The following CACNA1D variants were observed in gnomAD, a reference collection of about 807,000 sequenced individuals.
CACNA1D encodes voltage-dependent L-type calcium channel subunit alpha-1D.
In CACNA1D, 55 loss-of-function variants were observed where a neutral mutation model predicts 257.1. That is an observed-to-expected ratio of 0.21 (90% CI 0.17 to 0.27). The LOEUF (loss-of-function observed/expected upper bound fraction) is 0.27. CACNA1D is among the 10% of genes least tolerant of loss of function. The pLI, the probability that CACNA1D is intolerant of heterozygous loss-of-function variation, is 1.00. For synonymous variants in CACNA1D, 980 were observed against 1,014.9 expected (o/e 0.97, Z 0.65); for missense variants, 1,876 against 2,784.0 (o/e 0.67, Z 7.34).
intron 8 of CACNA1D, among the ~76,000 whole-genome samples, chr3:53,681,628 C>T (rs1440566023): frequency 6.6e-6 from 1 of 152,086 alleles, no homozygotes; most frequent in Non-Finnish European, 1.5e-5. Flanking sequence ...GATGTAGGCA[C>T]CGTGTAGGCA....
intron 19 of CACNA1D, among the ~76,000 whole-genome samples, chr3:53,734,447 A>G (rs1281300819): frequency 1.3e-5 from 2 of 152,104 alleles, no homozygotes; most frequent in African/African-American, 4.8e-5. Flanking sequence ...TATGTTTTAT[A>G]TATATGTTTT....
intron 43 of CACNA1D, 126 bp from the exon 44 acceptor site, chr3:53,803,297 G>A: frequency 1.0e-6 from 1 of 977,112 alleles, no homozygotes; most frequent in Non-Finnish European, 1.6e-6. Flanking sequence ...TGCTGCCTGA[G>A]GCAGGTGCGC....
At chr3:53,509,228 T>C (rs548375403) in intron 3 of CACNA1D, among the ~76,000 whole-genome samples, 3 of 152,052 alleles carry the variant, frequency 2.0e-5, no homozygotes, top group Non-Finnish European at 4.4e-5. Flanking sequence ...TAGCTGAAGA[T>C]GGGATGAAGG....
intron 8 of CACNA1D, among the ~76,000 whole-genome samples, chr3:53,697,939 C>T (rs1394778310): frequency 2.0e-5 from 3 of 152,172 alleles, no homozygotes; most frequent in Non-Finnish European, 2.9e-5. Context: ...CCAAAGTCCC[C>T]TGGTTCCTTT....
intron 3 of CACNA1D, among the ~76,000 whole-genome samples, chr3:53,542,872 A>C (rs918074807): frequency 6.6e-6 from 1 of 152,030 alleles, no homozygotes; most frequent in African/African-American, 2.4e-5. Flanking sequence ...CCTGACCAAC[A>C]TGGAGAAACC....
chr3:53,517,853 T>C (rs1410268363), intron 3 of CACNA1D, among the ~76,000 whole-genome samples: 1 of 152,232 alleles, frequency 6.6e-6, no homozygotes, highest in Non-Finnish European at 1.5e-5. Flanking sequence ...TTTACTGTGC[T>C]TGTGACATGC....
At chr3:53,639,560 G>C (rs2093925912) in intron 3 of CACNA1D, among the ~76,000 whole-genome samples, 1 of 151,930 alleles carries the variant, frequency 6.6e-6, no homozygotes, top group Admixed American at 6.6e-5. Flanking sequence ...CTAATTTTTT[G>C]TATTTTTAGT....
chr3:53,765,878 T>G (rs1383988424), intron 30 of CACNA1D: 1 of 152,346 alleles, frequency 6.6e-6, no homozygotes, highest in Non-Finnish European at 1.5e-5. Flanking sequence ...CATGGACTTA[T>G]CTCCATCACA....
At chr3:53,677,489 A>T (rs919334455) in intron 8 of CACNA1D, among the ~76,000 whole-genome samples, 2 of 152,212 alleles carry the variant, frequency 1.3e-5, no homozygotes, top group Non-Finnish European at 2.9e-5. Context: ...AATTTAACAT[A>T]TCCTTATCTT....
At chr3:53,780,258 G>T in intron 38 of CACNA1D, 130 bp downstream of exon 38, 1 of 754,054 alleles carries the variant, frequency 1.3e-6, no homozygotes, top group East Asian at 2.6e-5. Context: ...CAAGTAGAAT[G>T]AAGATGTCCA....
intron 30 of CACNA1D, among the ~76,000 whole-genome samples, chr3:53,767,138 T>G (rs1350227567): frequency 6.6e-6 from 1 of 152,156 alleles, no homozygotes; most frequent in Admixed American, 6.5e-5. Context: ...CCACTCTGTA[T>G]GGCCGCTCGA....
At chr3:53,701,559 A>G (rs2094626252) in intron 8 of CACNA1D, among the ~76,000 whole-genome samples, 1 of 152,372 alleles carries the variant, frequency 6.6e-6, no homozygotes, top group South Asian at 2.1e-4. Flanking sequence ...AACAAAGGCA[A>G]GAAGGCAGAC....
intron 3 of CACNA1D, among the ~76,000 whole-genome samples, chr3:53,534,376 G>A (rs2092048907): frequency 6.6e-6 from 1 of 152,196 alleles, no homozygotes; most frequent in Non-Finnish European, 1.5e-5. Context: ...TACGTCCAGA[G>A]CATCATTAGG....
In CACNA1D at chr3:53,540,728, A is replaced by C. The variant is rs78087701; in HGVS notation, c.483+39008A>C. ...ATGCCAGTCGGCTTCATTCTTTGTC[A>C]TGGTGGCATGATATATGTATATATT... is the stretch of plus-strand genomic sequence containing the variant. On this transcript the variant is annotated intron_variant, in intron 3 of 47. Transcript: ENST00000350061. Among the ~76,000 whole-genome samples, 509 of 152,170 alleles carry C rather than the reference A, an allele frequency of 3.3e-3. 4 individuals carry two copies. Among genetic ancestry groups the C allele is most frequent in the African/African-American group, 0.012 (493 of 41,508 alleles).
chr3:53,813,416 T>C lies in CACNA1D; in HGVS notation c.*2010T>C, dbSNP rs561780984. On this transcript the variant is annotated 3_prime_UTR_variant, in exon 48 of 48. Coordinates refer to ENST00000350061, the MANE Select transcript of CACNA1D (RefSeq NM_001128840.3). ...CTGTGCCAGGGCAGCTCTGAAATTA[T>C]GGATATTCTTATCCTCCTGGTTCCT... 1 of 152,370 alleles carries C rather than the reference T, an allele frequency of 6.6e-6. No homozygotes were observed. Among genetic ancestry groups the C allele is most frequent in the South Asian group, 2.1e-4 (1 of 4,832 alleles). The allele number at this position is 152,370 out of a possible 1,614,324, so 9.4% of individuals were successfully genotyped here.
chr3:53,588,002 C>T (rs1415986725), intron 3 of CACNA1D, among the ~76,000 whole-genome samples: 1 of 152,074 alleles, frequency 6.6e-6, no homozygotes, highest in Non-Finnish European at 1.5e-5. Context: ...CTTGGTGGTG[C>T]ATTTCACAAT....
At chr3:53,639,709 G>A (rs186859956) in intron 3 of CACNA1D, among the ~76,000 whole-genome samples, 49 of 152,026 alleles carry the variant, frequency 3.2e-4, no homozygotes, top group South Asian at 2.1e-3. Context: ...TAACTCAGAC[G>A]TCAATCAACG....
At chr3:53,555,631 C>T (rs939195608) in intron 3 of CACNA1D, among the ~76,000 whole-genome samples, 1 of 151,956 alleles carries the variant, frequency 6.6e-6, no homozygotes, top group Non-Finnish European at 1.5e-5. Context: ...CATTCTCAAT[C>T]ATGGTCCATT....
chr3:53,536,607 C>CT (rs1389277725), intron 3 of CACNA1D, among the ~76,000 whole-genome samples: 5 of 152,216 alleles, frequency 3.3e-5, no homozygotes, highest in Non-Finnish European at 7.3e-5. Context: ...CCTTATGCCT[C>CT]TTTTTGTATG....
Sources: gnomAD v4.1 joint callset for allele counts (sites outside exome capture counted in the v4.1 genomes callset) on GRCh38, gnomAD v4.1.1 for gene constraint, MANE v1.5 for transcripts, NCBI Gene and HGNC (gene_info 2026-07-23, HGNC 2026-07-21) for gene names.